Variants in CAMTA1 observed in about 807,000 individuals in gnomAD.
CAMTA1 encodes calmodulin-binding transcription activator 1.
A neutral mutation model predicts 170.9 loss-of-function variants in CAMTA1; 27 were observed. That is an observed-to-expected ratio of 0.16 (90% CI 0.12 to 0.22). The LOEUF is 0.22. Ranked by LOEUF, CAMTA1 falls within the 10% of genes least tolerant of loss-of-function variation. The pLI is 1.00. For synonymous variants in CAMTA1, 833 were observed against 891.5 expected, an observed-to-expected ratio of 0.93 and a Z score of 1.17; for missense variants, 1,619 against 2,217.2, an observed-to-expected ratio of 0.73 and a Z score of 5.42.
At chr1:6,829,100 G>A (rs1344712664) in intron 3 of CAMTA1, among the ~76,000 whole-genome samples, 2 of 151,668 alleles carry the variant, frequency 1.3e-5, no homozygotes, top group African/African-American at 4.8e-5. Flanking sequence ...ATGGGGTTTC[G>A]CCCTGTTGGC....
chr1:7,100,330 T>A (rs1490847734), intron 4 of CAMTA1, among the ~76,000 whole-genome samples: 1 of 152,206 alleles, frequency 6.6e-6, no homozygotes, highest in Non-Finnish European at 1.5e-5. Flanking sequence ...ATTCCTTTAC[T>A]GTCACTGGTG....
Position 7,063,874 on chromosome 1 carries a change from G to T in CAMTA1, c.235-27430G>T, listed in dbSNP as rs72640049. Among the ~76,000 whole-genome samples the T allele has an allele frequency of 6.9e-3, 1,052 of 152,312 alleles. 9 individuals are homozygous for T. The highest frequency in any genetic ancestry group is 8.6e-3 in the Non-Finnish European group (586 of 68,014). On this transcript the variant is annotated intron_variant, in intron 3 of 22. Transcript: ENST00000303635. The surrounding 1 kb of genome is among the most constrained non-coding windows in gnomAD (Gnocchi z 4.3). ...GGGGGAGAGAGAAAAATAAATTCAT[G>T]TACTAGTCTGCTCAGGCTGCTGTAA...
Position 7,063,296 on chromosome 1 carries a change from G to T in CAMTA1, c.235-28008G>T, listed in dbSNP as rs894831707. ...GTGGAAAGACAGGGACGACTCTTCCGCAACACCTCTCAGACCCGTCAGTGT... is the reference window on the plus strand; with the variant it reads ...GTGGAAAGACAGGGACGACTCTTCCTCAACACCTCTCAGACCCGTCAGTGT... On this transcript the variant is annotated intron_variant, in intron 3 of 22. Coordinates refer to ENST00000303635, the MANE Select transcript of CAMTA1 (RefSeq NM_015215.4). The surrounding 1 kb of genome is among the most constrained non-coding windows in gnomAD (Gnocchi z 4.3). Among the ~76,000 whole-genome samples, 12 of 152,142 alleles carry T rather than the reference G, an allele frequency of 7.9e-5. No homozygotes were observed. Among genetic ancestry groups the T allele is most frequent in the African/African-American group, 2.9e-4 (12 of 41,420 alleles).
chr1:7,514,772 C>A (rs972112464), intron 6 of CAMTA1, among the ~76,000 whole-genome samples: 4 of 152,170 alleles, frequency 2.6e-5, no homozygotes, highest in Non-Finnish European at 5.9e-5. Flanking sequence ...TGCAGACATC[C>A]ACCTGGAGCT....
rs536698387 is a variant in CAMTA1, at chr1:6,860,184, T to C, written c.234+34974T>C. On this transcript the variant is annotated intron_variant, in intron 3 of 22. Coordinates refer to ENST00000303635, the MANE Select transcript of CAMTA1 (RefSeq NM_015215.4). ...ACTCATTATGTCCTCATGCCAATCC[T>C]ATGAGTCATGCTCCCAAACTCTGAA... Among the ~76,000 whole-genome samples the C allele has an allele frequency of 6.6e-5, 10 of 152,358 alleles. 1 individual carries two copies. The East Asian group carries it at 1.2e-3, about 18-fold the overall frequency.
rs72854288 is a variant in CAMTA1 at position 6,918,777 on chromosome 1, C to T, written c.234+93567C>T. On this transcript the variant is annotated intron_variant, in intron 3 of 22. Transcript: ENST00000303635. The surrounding 1 kb of genome is among the most constrained non-coding windows in gnomAD (Gnocchi z 4.0). ...GAAAACACTCAAGTTCAGTCATGCC[C>T]ACCGCGTTCCCCCAGCCTGTCACCC... 0.012 allele frequency among the ~76,000 whole-genome samples: 1,821 copies of T among 152,278 alleles called. 32 individuals carry two copies. Among genetic ancestry groups the T allele is most frequent in the African/African-American group, 0.041 (1,722 of 41,556 alleles).
intron 6 of CAMTA1, among the ~76,000 whole-genome samples, chr1:7,471,249 T>G (rs1344511004): frequency 6.6e-6 from 1 of 152,230 alleles, no homozygotes; most frequent in Non-Finnish European, 1.5e-5. Context: ...ATCTCTCCAT[T>G]GCTGACAAAT....
intron 6 of CAMTA1, among the ~76,000 whole-genome samples, chr1:7,621,715 C>T (rs2095599769): frequency 6.6e-6 from 1 of 152,194 alleles, no homozygotes; most frequent in Non-Finnish European, 1.5e-5. Context: ...CAGTGCTCGC[C>T]CTTCTGGAAG....
chr1:7,525,333 A>G (rs2094418764), intron 6 of CAMTA1, among the ~76,000 whole-genome samples: 1 of 151,304 alleles, frequency 6.6e-6, no homozygotes, highest in Non-Finnish European at 1.5e-5. Context: ...CAGGCAGAGG[A>G]CAAGCCCCCT....
intron 3 of CAMTA1, among the ~76,000 whole-genome samples, chr1:6,885,439 A>G (rs972802149): frequency 3.3e-5 from 5 of 152,224 alleles, no homozygotes; most frequent in East Asian, 1.9e-4. Flanking sequence ...AGAATGCTCA[A>G]ACCATCCAAA....
intron 3 of CAMTA1, among the ~76,000 whole-genome samples, chr1:6,858,385 T>C (rs1445590054): frequency 6.6e-6 from 1 of 151,378 alleles, no homozygotes; most frequent in Non-Finnish European, 1.5e-5. Flanking sequence ...CATATCACTT[T>C]GTATATTGAG....
At chr1:7,539,350 T>C (rs2094582778) in intron 6 of CAMTA1, among the ~76,000 whole-genome samples, 1 of 152,240 alleles carries the variant, frequency 6.6e-6, no homozygotes, top group Non-Finnish European at 1.5e-5. Flanking sequence ...TGGCCTTTTC[T>C]TATGGTGTCT....
Position 7,007,397 on chromosome 1 carries a change from C to T in CAMTA1, c.235-83907C>T, listed in dbSNP as rs1022786982. On this transcript the variant is annotated intron_variant, in intron 3 of 22. Transcript: ENST00000303635. The surrounding 1 kb of genome is among the most constrained non-coding windows in gnomAD (Gnocchi z 4.5). ...GTACGCCAGAGCCTGTGGGCCACCCCGAGGAAGTGACCCCTATGAGCCAGC... is the reference window on the plus strand; with the variant it reads ...GTACGCCAGAGCCTGTGGGCCACCCTGAGGAAGTGACCCCTATGAGCCAGC... 8.5e-5 allele frequency among the ~76,000 whole-genome samples: 13 copies of T among 152,182 alleles called. No individual in the cohort carries two copies. The highest frequency in any genetic ancestry group is 6.5e-4 in the Admixed American group (10 of 15,286).
chr1:7,663,295 T>C, intron 8 of CAMTA1, 58 bp from the exon 9 acceptor site: 3 of 1,507,270 alleles, frequency 2.0e-6, no homozygotes, highest in Non-Finnish European at 2.7e-6. Context: ...TGTGTGCATG[T>C]GTGTGTGCAC....
At chr1:7,558,399 G>A (rs894810879) in intron 6 of CAMTA1, among the ~76,000 whole-genome samples, 6 of 152,226 alleles carry the variant, frequency 3.9e-5, no homozygotes, top group Non-Finnish European at 7.3e-5. Flanking sequence ...GAGCCAACAC[G>A]CCGTGCCCCT....
At chr1:7,133,659 A>T (rs977084701) in intron 4 of CAMTA1, among the ~76,000 whole-genome samples, 2 of 152,154 alleles carry the variant, frequency 1.3e-5, no homozygotes, top group East Asian at 3.9e-4. Context: ...TTGTCCTCCC[A>T]TCATAGGTAG....
At chr1:7,106,244 G>A (rs1558108827) in intron 4 of CAMTA1, among the ~76,000 whole-genome samples, 1 of 151,060 alleles carries the variant, frequency 6.6e-6, no homozygotes. Flanking sequence ...TACACTGAGG[G>A]AGGGAGGAAG....
At position 7,275,162 on chromosome 1, in the gene CAMTA1, AAG is replaced by A. The variant is rs1195031223; in HGVS notation, c.438+25538_438+25539del. Among the ~76,000 whole-genome samples the A allele has an allele frequency of 6.3e-4, 94 of 150,140 alleles. 4 individuals are homozygous for A. Among genetic ancestry groups the A allele is most frequent in the African/African-American group, 2.1e-3 (85 of 40,896 alleles). ...ATTCCATCTCAAAAAAAAAAAAAAA[AAG>A]AAGAAAGAAAATATTTTGAAATGAA... On this transcript the variant is annotated intron_variant, in intron 5 of 22. Coordinates refer to ENST00000303635, the MANE Select transcript of CAMTA1 (RefSeq NM_015215.4).
intron 5 of CAMTA1, among the ~76,000 whole-genome samples, chr1:7,254,933 A>G (rs1444192447): frequency 1.3e-5 from 2 of 152,254 alleles, no homozygotes; most frequent in Non-Finnish European, 2.9e-5. Context: ...GAAATGAATG[A>G]GGGGCAGGAG....
Sources: allele counts gnomAD v4.1 joint callset (sites outside exome capture counted in the v4.1 genomes callset), GRCh38; gene constraint gnomAD v4.1.1; non-coding constraint Gnocchi (gnomAD v3.1); transcripts MANE v1.5; gene names NCBI Gene and HGNC (gene_info 2026-07-23, HGNC 2026-07-21).